The following DPP3 variants were observed in gnomAD, a reference collection of about 807,000 sequenced individuals.
DPP3 encodes dipeptidyl peptidase 3.
Under a neutral mutation model 89.8 loss-of-function variants are expected in DPP3, and 64 were observed. That is an observed-to-expected ratio of 0.71 (90% CI 0.58 to 0.88). The LOEUF is 0.88. Ranked by LOEUF, DPP3 falls within the 40% of genes least tolerant of loss-of-function variation. The pLI, the probability that DPP3 is intolerant of heterozygous loss-of-function variation, is 0.00. For missense variants in DPP3, 835 were observed against 972.5 expected (o/e 0.86, Z 1.88); for synonymous variants, 377 against 404.3 (o/e 0.93, Z 0.81).
intron 15 of DPP3, among the ~76,000 whole-genome samples, chr11:66,497,016 T>G (rs1855556427): frequency 1.3e-5 from 2 of 152,044 alleles, no homozygotes; most frequent in Admixed American, 6.5e-5. Flanking sequence ...TCACAGTGGG[T>G]GACATGGGGA....
chr11:66,488,079 C>A, intron 6 of DPP3, 72 bp downstream of exon 6: 2 of 1,307,152 alleles, frequency 1.5e-6, no homozygotes, highest in Non-Finnish European at 1.1e-6. Context: ...CAGGTCCTAC[C>A]AACTCTGCCA....
intron 12 of DPP3, among the ~76,000 whole-genome samples, chr11:66,493,863 G>T (rs1855462071): frequency 6.6e-6 from 1 of 152,128 alleles, no homozygotes; most frequent in Admixed American, 6.5e-5. Flanking sequence ...TCAGGGATGA[G>T]CCTGGTGTAG....
chr11:66,504,415 C>A (rs1269676489), intron 16 of DPP3, among the ~76,000 whole-genome samples, 197 bp from the exon 17 acceptor site: 1 of 152,088 alleles, frequency 6.6e-6, no homozygotes, highest in Non-Finnish European at 1.5e-5. Flanking sequence ...GGGCCTTAAT[C>A]CCATTCAAGA....
intron 1 of DPP3, 65 bp downstream of exon 1, chr11:66,480,530 A>T: frequency 1.4e-6 from 2 of 1,443,482 alleles, no homozygotes; most frequent in Non-Finnish European, 1.8e-6. Context: ...AGGCGAATCC[A>T]TACTGAGCGC....
intron 5 of DPP3, 60 bp downstream of exon 5, chr11:66,487,402 C>G: frequency 6.4e-7 from 1 of 1,553,048 alleles, no homozygotes; most frequent in East Asian, 2.2e-5. Flanking sequence ...GTCCCAGCCC[C>G]CTCACAACTG....
intron 16 of DPP3, among the ~76,000 whole-genome samples, chr11:66,498,276 G>A (rs1855592687): frequency 6.6e-6 from 1 of 152,188 alleles, no homozygotes; most frequent in Admixed American, 6.5e-5. Flanking sequence ...TGTATTTTTA[G>A]TGGAGACAGG....
intron 3 of DPP3, among the ~76,000 whole-genome samples, chr11:66,486,131 CAG>C (rs771085059): frequency 3.3e-5 from 5 of 152,026 alleles, no homozygotes; most frequent in African/African-American, 4.8e-5. Flanking sequence ...TTTGTAGAGA[CAG>C]AATCCCACTG....
chr11:66,508,615 C>T (rs995498777), intron 17 of DPP3, among the ~76,000 whole-genome samples: 5 of 152,114 alleles, frequency 3.3e-5, no homozygotes, highest in South Asian at 2.1e-4. Flanking sequence ...CTCTGCCACC[C>T]GGGTTCAAGC....
intron 11 of DPP3, 96 bp from the exon 12 acceptor site, chr11:66,493,445 A>G: frequency 7.7e-7 from 1 of 1,291,116 alleles, no homozygotes; most frequent in Non-Finnish European, 1.1e-6. Flanking sequence ...AAGCACATGC[A>G]CTGAGATGGG....
chr11:66,489,956 T>A (rs1285333544), intron 6 of DPP3, among the ~76,000 whole-genome samples: 2 of 152,196 alleles, frequency 1.3e-5, no homozygotes, highest in African/African-American at 4.8e-5. Context: ...GTGTCCCTGC[T>A]GCTGAAGTCA....
chr11:66,490,699 G>A (rs1432022216), intron 6 of DPP3, among the ~76,000 whole-genome samples: 2 of 152,014 alleles, frequency 1.3e-5, no homozygotes, highest in South Asian at 2.1e-4. Context: ...GTTAACACAC[G>A]GAAAGCACAT....
Position 66,497,467 on chromosome 11 carries a change from G to T in DPP3, c.1868G>T (p.Arg623Leu). 1 of 1,613,192 alleles carries T rather than the reference G, an allele frequency of 6.2e-7. No individual in the cohort carries two copies. Among genetic ancestry groups the T allele is most frequent in the South Asian group, 1.1e-5 (1 of 91,034 alleles). ...AAGCCTGCTCTAGAGCGCTTCCTGC[G>T]GAGACTTCAGGTAAGCAAAGGCCTC... is the stretch of plus-strand genomic sequence containing the variant. Reference protein sequence around the residue: ...VGKPALERFLRRLQVLKSTGD... With the variant: ...VGKPALERFLLRLQVLKSTGD... Residue 623 changes from arginine (R) to leucine (L), a missense_variant, in exon 16 of 18, where the codon CGG becomes CTG. Coordinates refer to ENST00000531863, the MANE Select transcript of DPP3 (RefSeq NM_130443.4).
rs1469575860 is a variant in DPP3 at position 66,496,440 on chromosome 11, A to ATGGG, written c.1698+690_1698+691insTGGG. Among the ~76,000 whole-genome samples the ATGGG allele has an allele frequency of 8.0e-5, 12 of 149,892 alleles. No individual in the cohort carries two copies. The East Asian group carries it at 1.8e-3, about 22-fold the overall frequency. ...GTATTTTTTTTTTCTTTTGAGACAGAGTCTCACTCTGTCACCCAGGCTGGA... is the reference window on the plus strand; with the variant it reads ...GTATTTTTTTTTTCTTTTGAGACAGATGGGGTCTCACTCTGTCACCCAGGCTGGA... On this transcript the variant is annotated intron_variant, in intron 15 of 17. Transcript: ENST00000531863.
intron 12 of DPP3, 70 bp from the exon 13 acceptor site, chr11:66,495,136 G>C (rs941289458): frequency 4.3e-6 from 7 of 1,610,590 alleles, no homozygotes; most frequent in Non-Finnish European, 5.1e-6. Flanking sequence ...TTTCCGGCCT[G>C]TGGATTCTGG....
At chr11:66,494,481 T>G (rs2134735857) in intron 12 of DPP3, among the ~76,000 whole-genome samples, 1 of 152,302 alleles carries the variant, frequency 6.6e-6, no homozygotes, top group Non-Finnish European at 1.5e-5. Context: ...CTTGGATAAT[T>G]CAGCACCTTC....
At chr11:66,492,006 C>T (rs1439214734) in intron 9 of DPP3, among the ~76,000 whole-genome samples, 1 of 152,206 alleles carries the variant, frequency 6.6e-6, no homozygotes, top group Non-Finnish European at 1.5e-5. Flanking sequence ...AGCACTGGGG[C>T]ACAGTTGGGG....
chr11:66,501,004 C>G (rs1204044944), intron 16 of DPP3, among the ~76,000 whole-genome samples: 1 of 152,120 alleles, frequency 6.6e-6, no homozygotes, highest in Non-Finnish European at 1.5e-5. Context: ...GCCTGGCCAA[C>G]ATGGTGAAAC....
Position 66,491,638 on chromosome 11 carries a change from T to G in DPP3, c.929+14T>G. ...CATCGTGGAGAGGTGAGGCGCCAGC[T>G]CCACCCCACCTGCCCCCTCCTGCCT... On this transcript the variant is annotated intron_variant, in intron 8 of 17. Coordinates refer to ENST00000531863, the MANE Select transcript of DPP3 (RefSeq NM_130443.4). 2 of 1,611,166 alleles carry G rather than the reference T, an allele frequency of 1.2e-6. No individual in the cohort carries two copies. Among genetic ancestry groups the G allele is most frequent in the East Asian group, 2.2e-5 (1 of 44,758 alleles).
In DPP3 at chr11:66,495,657, G is replaced by A. The variant is rs202158896; in HGVS notation, c.1605G>A (p.Ala535=). ...LEIFGFEGAD[A]EDVIYVNWLN... ...TCTTTGGCTTTGAGGGGGCTGATGC[G>A]GAGGACGTGATCTACGTGAACTGGC... The change falls in exon 15 of 18, where the codon GCG becomes GCA. Residue 535 remains alanine (A), a synonymous_variant. Transcript: ENST00000531863. 9.1e-5 allele frequency: 147 copies of A among 1,614,134 alleles called. 2 individuals are homozygous for A. In the South Asian group the frequency reaches 1.5e-3, roughly 17 times the overall value.
Sources: gnomAD v4.1 joint callset for allele counts (sites outside exome capture counted in the v4.1 genomes callset) on GRCh38, gnomAD v4.1.1 for gene constraint, MANE v1.5 for transcripts, NCBI Gene and HGNC (gene_info 2026-07-23, HGNC 2026-07-21) for gene names.